Variants in ZNF446 observed in about 807,000 individuals in gnomAD.
ZNF446 encodes zinc finger protein 446, also known as zinc finger protein with KRAB and SCAN domains 20.
Under a neutral mutation model 34.0 loss-of-function variants are expected in ZNF446, and 42 were observed. The ratio of observed to expected loss-of-function variants is 1.23; its 90% confidence interval spans 0.96 to 1.60. The LOEUF (loss-of-function observed/expected upper bound fraction) is 1.60, where lower values mean the gene tolerates loss of function less well. ZNF446 is among the 40% of genes most tolerant of loss of function. ZNF446 has a pLI of 0.00. For missense variants in ZNF446, 650 were observed against 600.2 expected (o/e 1.08, Z -0.87); for synonymous variants, 315 against 251.0 (o/e 1.25, Z -2.41).
At chr19:58,482,350 G>A (rs889856888), downstream of ZNF446, among the ~76,000 whole-genome samples, 1 of 152,082 alleles carries the variant, frequency 6.6e-6, no homozygotes, top group Non-Finnish European at 1.5e-5. Flanking sequence ...TAGTCACACC[G>A]CAGAGTCCCT....
downstream of ZNF446, among the ~76,000 whole-genome samples, chr19:58,485,910 A>G (rs1203836336): frequency 6.6e-6 from 1 of 151,796 alleles, no homozygotes; most frequent in South Asian, 2.1e-4. Flanking sequence ...AGGAAAATGT[A>G]AAACTTTGTT....
At chr19:58,482,035 C>T (rs2053144169), downstream of ZNF446, among the ~76,000 whole-genome samples, 1 of 152,100 alleles carries the variant, frequency 6.6e-6, no homozygotes. Flanking sequence ...ACCTCGTGAT[C>T]CACCCACCTC....
chr19:58,479,980 C>T lies in ZNF446; in HGVS notation c.763C>T (p.Leu255=), dbSNP rs866843485. ...ACAGGCCCAGTCAGAGCTGGGGATG[C>T]TGCTCACGGGGACAGGCGTCTGCAG... is the stretch of plus-strand genomic sequence containing the variant. ...EAQAQSELGM[L]LTGTGVCRSL... Residue 255 remains leucine, a synonymous_variant, in exon 6 of 7, where the codon CTG becomes TTG. Transcript: ENST00000594369. The T allele has an allele frequency of 6.3e-7, 1 of 1,591,280 alleles. No individual in the cohort carries two copies. The highest frequency in any genetic ancestry group is 8.5e-7 in the Non-Finnish European group (1 of 1,171,638).
rs200797935 is a variant in ZNF446, at chr19:58,477,325, A to T, written c.107A>T (p.Glu36Val). The T allele has an allele frequency of 4.9e-5, 79 of 1,613,078 alleles. No homozygotes were observed. The highest frequency in any genetic ancestry group is 1.7e-4 in the Admixed American group (10 of 59,990). The change falls in exon 2 of 7, where the codon GAG becomes GTG. Residue 36 changes from glutamate (E) to valine (V), a missense_variant. Physicochemically the swap from Glu to Val is moderately radical, Grantham distance 121. Coordinates refer to ENST00000594369, the MANE Select transcript of ZNF446 (RefSeq NM_017908.4). ...CGCTTCCGAGGGTTCTGCTACCAGGAGGTGGCAGGTCCCCGAGAAGCCCTG... is the reference window on the plus strand; with the variant it reads ...CGCTTCCGAGGGTTCTGCTACCAGGTGGTGGCAGGTCCCCGAGAAGCCCTG... ...RLRFRGFCYQEVAGPREALAR... is the reference protein window; with the variant it reads ...RLRFRGFCYQVVAGPREALAR...
At chr19:58,477,141 T>A (rs2053093473) in intron 1 of ZNF446, 38 bp from the exon 2 acceptor site, 1 of 1,328,378 alleles carries the variant, frequency 7.5e-7, no homozygotes, top group African/African-American at 1.5e-5. Context: ...CCTGGCCAGA[T>A]TCTCTTGGCT....
At position 58,480,290 on chromosome 19, in the gene ZNF446, C is replaced by T; in HGVS notation, c.917C>T (p.Pro306Leu). 1 of 1,577,932 alleles carries T rather than the reference C, an allele frequency of 6.3e-7. No homozygotes were observed. The highest frequency in any genetic ancestry group is 8.6e-7 in the Non-Finnish European group (1 of 1,163,442). Residue 306 changes from proline to leucine, a missense_variant, in exon 7 of 7, where the codon CCA becomes CTA. Pro to Leu is a moderately conservative substitution (Grantham distance 98). Coordinates refer to ENST00000594369, the MANE Select transcript of ZNF446 (RefSeq NM_017908.4). The surrounding 1 kb of genome is among the most constrained non-coding windows in gnomAD (Gnocchi z 7.2). ...GCCACTCCTGCCCCCACTGTGCGCC[C>T]AGGGACACCGCCAGTGCCCACTCAG... ...GAATPAPTVRPGTPPVPTQPT... is the reference protein window; with the variant it reads ...GAATPAPTVRLGTPPVPTQPT...
downstream of ZNF446, among the ~76,000 whole-genome samples, chr19:58,486,220 A>T (rs576442654): frequency 1.3e-5 from 2 of 148,638 alleles, no homozygotes; most frequent in Non-Finnish European, 3.0e-5. Flanking sequence ...CAGCCTCCCG[A>T]TAGCTGAGAC....
chr19:58,479,587 C>A, intron 4 of ZNF446, 56 bp from the exon 5 acceptor site: 2 of 1,578,800 alleles, frequency 1.3e-6, no homozygotes, highest in Admixed American at 1.8e-5. Flanking sequence ...GAATGTGAAC[C>A]AGACAGGGCA....
chr19:58,479,920 A>AC lies in ZNF446; in HGVS notation c.713-7dup. On this transcript the variant is annotated splice_polypyrimidine_tract_variant and intron_variant, in intron 5 of 6. Transcript: ENST00000594369. ...AACCCCATGCCTAACTGTGCCCCCC[A>AC]CCCGGGCAGGGTTACCGCCCCACCA... 1.9e-6 allele frequency: 3 copies of AC among 1,558,124 alleles called. No individual in the cohort carries two copies. The highest frequency in any genetic ancestry group is 1.7e-6 in the Non-Finnish European group (2 of 1,155,092).
Position 58,480,718 on chromosome 19 carries a change from G to T in ZNF446, c.1345G>T (p.Val449Phe), listed in dbSNP as rs1449828208. 4 of 1,603,144 alleles carry T rather than the reference G, an allele frequency of 2.5e-6. No homozygotes were observed. The highest frequency in any genetic ancestry group is 1.7e-5 in the Admixed American group (1 of 59,968). ...CCACCGCAAGGGCCACCGGCCGGAG[G>T]TTCCATGAGCAGCCAGACAGCACAG... Reference protein sequence around the residue: ...VIHRKGHRPEVP With the variant: ...VIHRKGHRPEFP Residue 449 changes from valine (V) to phenylalanine (F), a missense_variant, in exon 7 of 7, where the codon GTT (valine) becomes TTT (phenylalanine). Val to Phe is a conservative substitution (Grantham distance 50). Transcript: ENST00000594369. This position sits in a 1 kb window ranked among gnomAD's most constrained non-coding sequence, Gnocchi z 7.2.
At position 58,477,387 on chromosome 19, in the gene ZNF446, C is replaced by G; in HGVS notation, c.169C>G (p.Pro57Ala). ...LRELCCQWLQ[P>A]EAHSKEQMLE... ...TGAGCTGTGTTGCCAGTGGCTGCAG[C>G]CTGAGGCACACTCCAAGGAGCAGAT... The change falls in exon 2 of 7, where the codon CCT (proline) becomes GCT (alanine). Residue 57 changes from proline (P) to alanine (A), a missense_variant. Coordinates refer to ENST00000594369, the MANE Select transcript of ZNF446 (RefSeq NM_017908.4). 1 of 1,613,316 alleles carries G rather than the reference C, an allele frequency of 6.2e-7. No homozygotes were observed. Among genetic ancestry groups the G allele is most frequent in the Non-Finnish European group, 8.5e-7 (1 of 1,180,012 alleles).
rs200481895 is a variant in ZNF446 at position 58,480,428 on chromosome 19, G to T, written c.1055G>T (p.Arg352Leu). The T allele has an allele frequency of 3.2e-5, 51 of 1,612,474 alleles. No individual in the cohort carries two copies. Among genetic ancestry groups the T allele is most frequent in the Non-Finnish European group, 5.9e-6 (7 of 1,179,870 alleles). ...DWKSVFVIHHRTHTSGPGVQS... is the reference protein window; with the variant it reads ...DWKSVFVIHHLTHTSGPGVQS... Reference sequence around the variant, plus strand: ...AAGTCAGTGTTCGTCATCCACCACCGGACACACACGAGTGGGCCAGGTGTG... The same window carrying T: ...AAGTCAGTGTTCGTCATCCACCACCTGACACACACGAGTGGGCCAGGTGTG... Residue 352 changes from arginine to leucine, a missense_variant, in exon 7 of 7, where the codon CGG (arginine) becomes CTG (leucine). Coordinates refer to ENST00000594369, the MANE Select transcript of ZNF446 (RefSeq NM_017908.4). This position sits in a 1 kb window ranked among gnomAD's most constrained non-coding sequence, Gnocchi z 7.2.
chr19:58,484,271 TAAAAA>T (rs34356403), downstream of ZNF446, among the ~76,000 whole-genome samples: 97 of 66,546 alleles, frequency 1.5e-3, no homozygotes, highest in African/African-American at 5.2e-3. Context: ...ACCCCATCTC[TAAAAA>T]AAAAAAAAAA....
rs1333735700 is a variant in ZNF446, at chr19:58,480,482, GCA to G, written c.1112_1113del (p.Thr371ArgfsTer27). ...TCCCCGGGGCTAGCCACCGGGGAAA[GCA>G]CAGAGAAGCCACCACAAGGGGAGGT... On this transcript the variant is annotated frameshift_variant, in exon 7 of 7. Transcript: ENST00000594369. LOFTEE classifies it low-confidence loss of function (END_TRUNC). The surrounding 1 kb of genome is among the most constrained non-coding windows in gnomAD (Gnocchi z 7.2). 4 of 1,612,928 alleles carry G rather than the reference GCA, an allele frequency of 2.5e-6. No individual in the cohort carries two copies. The highest frequency in any genetic ancestry group is 1.7e-5 in the Admixed American group (1 of 60,026).
At chr19:58,482,872 G>A (rs939904386), downstream of ZNF446, among the ~76,000 whole-genome samples, 3 of 152,156 alleles carry the variant, frequency 2.0e-5, no homozygotes, top group Non-Finnish European at 4.4e-5. Context: ...GGAGAGTCAG[G>A]GTATAGAAGG....
chr19:58,480,036 A>G lies in ZNF446; in HGVS notation c.802+17A>G, dbSNP rs370154570. 5 of 1,572,988 alleles carry G rather than the reference A, an allele frequency of 3.2e-6. No individual in the cohort carries two copies. In the African/African-American group the frequency reaches 6.8e-5, roughly 21 times the overall value. On this transcript the variant is annotated intron_variant, in intron 6 of 6. Coordinates refer to ENST00000594369, the MANE Select transcript of ZNF446 (RefSeq NM_017908.4). This position sits in a 1 kb window ranked among gnomAD's most constrained non-coding sequence, Gnocchi z 7.2. ...TGCGCTCGGGTGAGTGCCCCACACC[A>G]TCCAGCCTGAATCACCCCTCCTGTA...
At chr19:58,482,903 G>A (rs1256221943), downstream of ZNF446, among the ~76,000 whole-genome samples, 4 of 152,220 alleles carry the variant, frequency 2.6e-5, no homozygotes, top group African/African-American at 4.8e-5. Context: ...GCCAGATCAT[G>A]CAAGAAAAGC....
At position 58,479,664 on chromosome 19, in the gene ZNF446, C is replaced by T. The variant is rs1156700647; in HGVS notation, c.649C>T (p.Arg217Trp). Residue 217 changes from arginine to tryptophan, a missense_variant, in exon 5 of 7, where the codon CGG (arginine) becomes TGG (tryptophan). Arg to Trp is a moderately radical substitution (Grantham distance 101). Transcript: ENST00000594369. ...GCAGGAGGAGTGGGGGCTGCTGGACCGGTCACAGAAGGAACTGTACTGGGA... is the reference window on the plus strand; with the variant it reads ...GCAGGAGGAGTGGGGGCTGCTGGACTGGTCACAGAAGGAACTGTACTGGGA... ...RIQEEWGLLD[R>W]SQKELYWDAM... The T allele has an allele frequency of 6.8e-6, 11 of 1,613,718 alleles. No individual in the cohort carries two copies. Among genetic ancestry groups the T allele is most frequent in the East Asian group, 4.5e-5 (2 of 44,894 alleles).
chr19:58,480,280 A>C lies in ZNF446; in HGVS notation c.907A>C (p.Thr303Pro). 1 of 1,578,358 alleles carries C rather than the reference A, an allele frequency of 6.3e-7. No individual in the cohort carries two copies. The highest frequency in any genetic ancestry group is 1.1e-5 in the South Asian group (1 of 87,388). The stretch of plus-strand genomic sequence containing the variant: ...GTCTGGGGCTGCCACTCCTGCCCCC[A>C]CTGTGCGCCCAGGGACACCGCCAGT... The part of the protein sequence containing the change: ...GLSGAATPAP[T>P]VRPGTPPVPT... The change falls in exon 7 of 7, where the codon ACT (threonine) becomes CCT (proline). Residue 303 changes from threonine to proline, a missense_variant. Coordinates refer to ENST00000594369, the MANE Select transcript of ZNF446 (RefSeq NM_017908.4). This position sits in a 1 kb window ranked among gnomAD's most constrained non-coding sequence, Gnocchi z 7.2.
Sources: gnomAD v4.1 joint callset for allele counts (sites outside exome capture counted in the v4.1 genomes callset) on GRCh38, gnomAD v4.1.1 for gene constraint, Gnocchi (gnomAD v3.1) non-coding constraint, MANE v1.5 for transcripts, NCBI Gene and HGNC (gene_info 2026-07-23, HGNC 2026-07-21) for gene names.